Variants in DNAJC5B observed in about 807,000 individuals in gnomAD.
DNAJC5B encodes the protein DnaJ heat shock protein family (Hsp40) member C5 beta, also known as dnaJ homolog subfamily C member 5B.
Under a neutral mutation model 24.7 loss-of-function variants are expected in DNAJC5B, and 23 were observed. The ratio of observed to expected loss-of-function variants is 0.93; its 90% CI spans 0.67 to 1.32. The LOEUF (loss-of-function observed/expected upper bound fraction) is 1.32. DNAJC5B is among the 40% of genes most tolerant of loss of function. The pLI is 0.00. For missense variants in DNAJC5B, 238 were observed against 240.8 expected, an observed-to-expected ratio of 0.99 and a Z score of 0.08; for synonymous variants, 101 against 90.1, an observed-to-expected ratio of 1.12 and a Z score of -0.68.
chr8:66,044,453 G>C (rs1046261406), intron 2 of DNAJC5B, among the ~76,000 whole-genome samples: 1 of 152,154 alleles, frequency 6.6e-6, no homozygotes, highest in Non-Finnish European at 1.5e-5. Context: ...TCACATAATA[G>C]ATATAGGTGA....
chr8:66,020,391 A>C (rs1806079845), upstream of DNAJC5B, among the ~76,000 whole-genome samples: 1 of 152,216 alleles, frequency 6.6e-6, no homozygotes, highest in Admixed American at 6.5e-5. Context: ...GAGATTCTTA[A>C]AGCACAATTC....
upstream of DNAJC5B, among the ~76,000 whole-genome samples, chr8:66,020,300 TG>T (rs1806077113): frequency 6.6e-6 from 1 of 152,234 alleles, no homozygotes; most frequent in South Asian, 2.1e-4. Context: ...TAGAGTGATA[TG>T]TGTGAAAATA....
chr8:66,030,937 A>C (rs1009422626), intron 1 of DNAJC5B, among the ~76,000 whole-genome samples: 7 of 152,248 alleles, frequency 4.6e-5, no homozygotes, highest in East Asian at 1.9e-4. Context: ...CCTTATTCAC[A>C]TCTTGAGGCT....
chr8:66,020,707 A>C (rs28408951), upstream of DNAJC5B, among the ~76,000 whole-genome samples: 1 of 150,216 alleles, frequency 6.7e-6, no homozygotes, highest in Non-Finnish European at 1.5e-5. Flanking sequence ...GTGCAATCTC[A>C]ACTCATTGCA....
At chr8:66,035,293 C>T (rs1292724574) in intron 1 of DNAJC5B, among the ~76,000 whole-genome samples, 1 of 152,218 alleles carries the variant, frequency 6.6e-6, no homozygotes, top group Non-Finnish European at 1.5e-5. Flanking sequence ...CTGTTGTGGA[C>T]TGAATGTGCT....
chr8:66,042,619 T>TTCTC (rs1806636277), intron 1 of DNAJC5B, among the ~76,000 whole-genome samples: 5 of 147,672 alleles, frequency 3.4e-5, no homozygotes, highest in African/African-American at 1.3e-4. Context: ...TTCTTCTTCT[T>TTCTC]CTTCTCCTTC....
intron 5 of DNAJC5B, among the ~76,000 whole-genome samples, chr8:66,088,833 A>G (rs1184466272): frequency 1.3e-5 from 2 of 152,154 alleles, no homozygotes; most frequent in Admixed American, 6.5e-5. Context: ...TCATATCACT[A>G]TCAGCATTTT....
In DNAJC5B at chr8:66,091,254, A is replaced by G. The variant is rs114364230; in HGVS notation, c.506-8683A>G. On this transcript the variant is annotated intron_variant, in intron 5 of 5. Transcript: ENST00000276570. ...TATTAAGTAAATAATCACATGAAGA[A>G]CTAGTTAATTTACAGGTACAATAAG... Among the ~76,000 whole-genome samples the G allele has an allele frequency of 7.9e-3, 1,209 of 152,306 alleles. 17 individuals carry two copies. Among genetic ancestry groups the G allele is most frequent in the African/African-American group, 0.027 (1,138 of 41,572 alleles).
intron 5 of DNAJC5B, among the ~76,000 whole-genome samples, chr8:66,091,027 A>T (rs1473617583): frequency 1.3e-5 from 2 of 152,320 alleles, no homozygotes; most frequent in South Asian, 2.1e-4. Flanking sequence ...GCTCAAAGTG[A>T]ACCCAAGATT....
At chr8:66,071,759 ATT>A (rs1807354878) in intron 3 of DNAJC5B, among the ~76,000 whole-genome samples, 1 of 152,210 alleles carries the variant, frequency 6.6e-6, no homozygotes, top group South Asian at 2.1e-4. Flanking sequence ...ACGTAAGTTT[ATT>A]GCAGCACTAT....
chr8:66,069,062 G>A (rs77267341), intron 3 of DNAJC5B, among the ~76,000 whole-genome samples: 21,910 of 150,852 alleles, frequency 0.15, 3,410 homozygotes, highest in African/African-American at 0.39. Context: ...GTGGATTTGA[G>A]AAGAATGATA....
At chr8:66,069,415 A>C (rs1807297122) in intron 3 of DNAJC5B, among the ~76,000 whole-genome samples, 1 of 152,178 alleles carries the variant, frequency 6.6e-6, no homozygotes, top group Non-Finnish European at 1.5e-5. Context: ...GTATAGCTTT[A>C]TTAAAATTAA....
chr8:66,041,718 C>T (rs1168992084), intron 1 of DNAJC5B, among the ~76,000 whole-genome samples: 1 of 152,176 alleles, frequency 6.6e-6, no homozygotes, highest in Non-Finnish European at 1.5e-5. Context: ...ATGTGCTTAC[C>T]ATGAGTTATT....
chr8:66,031,537 G>A (rs1304445897), intron 1 of DNAJC5B, among the ~76,000 whole-genome samples: 1 of 152,166 alleles, frequency 6.6e-6, no homozygotes, highest in Non-Finnish European at 1.5e-5. Flanking sequence ...TGTGTGTAAT[G>A]TATGCATTTT....
chr8:66,078,621 G>A (rs1216286152), intron 4 of DNAJC5B, among the ~76,000 whole-genome samples: 4 of 152,128 alleles, frequency 2.6e-5, no homozygotes, highest in African/African-American at 4.8e-5. Flanking sequence ...AAAAAGGGAG[G>A]AGTTTCTTGG....
At chr8:66,097,523 T>G (rs942239658) in intron 5 of DNAJC5B, among the ~76,000 whole-genome samples, 2 of 152,016 alleles carry the variant, frequency 1.3e-5, no homozygotes, top group Admixed American at 1.3e-4. Context: ...TTGGTTTTAC[T>G]GACATATTTT....
At chr8:66,038,303 T>C (rs1356351539) in intron 1 of DNAJC5B, among the ~76,000 whole-genome samples, 3 of 152,228 alleles carry the variant, frequency 2.0e-5, no homozygotes, top group South Asian at 2.1e-4. Context: ...CAGTGTGACA[T>C]AGGTGGTGTC....
At chr8:66,042,341 A>G (rs558190506) in intron 1 of DNAJC5B, among the ~76,000 whole-genome samples, 2 of 152,232 alleles carry the variant, frequency 1.3e-5, no homozygotes, top group Non-Finnish European at 1.5e-5. Context: ...CTAATGTTCT[A>G]TGTAATACTT....
intron 3 of DNAJC5B, among the ~76,000 whole-genome samples, chr8:66,068,594 T>A (rs1807274983): frequency 6.7e-6 from 1 of 149,026 alleles, no homozygotes; most frequent in Non-Finnish European, 1.5e-5. Context: ...TGGAAAAAGA[T>A]AAAAAACATA....
Sources: gnomAD v4.1 joint callset for allele counts (sites outside exome capture counted in the v4.1 genomes callset) on GRCh38, gnomAD v4.1.1 for gene constraint, MANE v1.5 for transcripts, NCBI Gene and HGNC (gene_info 2026-07-23, HGNC 2026-07-21) for gene names.